NLRC4: variants seen among roughly 807,000 people sequenced by gnomAD.
The protein encoded by NLRC4 is NLR family CARD domain-containing protein 4.
NLRC4 carries 63 observed loss-of-function variants against 79.9 expected under a neutral mutation model. That is an observed-to-expected ratio of 0.79 (90% CI 0.64 to 0.97). NLRC4 has a LOEUF of 0.97. Ranked by LOEUF, NLRC4 falls within the 50% of genes least tolerant of loss-of-function variation. The pLI is 0.00. For missense variants in NLRC4, 1,074 were observed against 1,215.2 expected, an observed-to-expected ratio of 0.88 and a Z score of 1.73; for synonymous variants, 461 against 456.5, an observed-to-expected ratio of 1.01 and a Z score of -0.12.
At chr2:32,248,251 C>T (rs538662587) in intron 4 of NLRC4, among the ~76,000 whole-genome samples, 7 of 152,054 alleles carry the variant, frequency 4.6e-5, no homozygotes, top group Non-Finnish European at 8.8e-5. Context: ...AAATCCTAAG[C>T]CCCCCACCAA....
Position 32,252,520 on chromosome 2 carries a change from A to G in NLRC4, c.161T>C (p.Ile54Thr). The G allele has an allele frequency of 1.2e-6, 2 of 1,614,134 alleles. No homozygotes were observed. The highest frequency in any genetic ancestry group is 1.7e-6 in the Non-Finnish European group (2 of 1,179,952). ...ACCCTTTTTCAAAATCATGTGAATG[A>G]TCCCTCTAGCAGCATCCTGCTCCAC... ...EKVEQDAARG[I>T]IHMILKKGSE... The change falls in exon 3 of 9, where the codon ATC (isoleucine) becomes ACC (threonine). Residue 54 changes from isoleucine to threonine, a missense_variant. Ile to Thr is a moderately conservative substitution (Grantham distance 89). Transcript: ENST00000402280.
chr2:32,233,383 C>G (rs181247703), intron 8 of NLRC4, among the ~76,000 whole-genome samples: 1 of 118,046 alleles, frequency 8.5e-6, no homozygotes, highest in Non-Finnish European at 1.7e-5. Flanking sequence ...GTAGAGACGA[C>G]ATGTTACCAT....
intron 5 of NLRC4, 96 bp downstream of exon 5, chr2:32,240,937 C>A: frequency 1.4e-6 from 1 of 739,922 alleles, no homozygotes; most frequent in Non-Finnish European, 2.3e-6. Flanking sequence ...TAAAAACATC[C>A]TTGCCTTGTG....
intron 1 of NLRC4, among the ~76,000 whole-genome samples, chr2:32,259,951 G>C (rs1047373676): frequency 6.6e-6 from 1 of 152,056 alleles, no homozygotes; most frequent in African/African-American, 2.4e-5. Flanking sequence ...TGTATTGGCC[G>C]GGCACGGTGG....
At chr2:32,233,731 C>G (rs888673889) in intron 8 of NLRC4, among the ~76,000 whole-genome samples, 3 of 151,994 alleles carry the variant, frequency 2.0e-5, no homozygotes, top group African/African-American at 2.4e-5. Context: ...GAGAATAATC[C>G]ATGTGCTGAG....
chr2:32,254,777 C>A (rs1687166367), intron 2 of NLRC4, among the ~76,000 whole-genome samples: 2 of 151,790 alleles, frequency 1.3e-5, no homozygotes, highest in South Asian at 4.1e-4. Context: ...CGCCACCACA[C>A]CCAGCTAATT....
chr2:32,247,571 T>C (rs212733), intron 4 of NLRC4, among the ~76,000 whole-genome samples: 95,647 of 151,108 alleles, frequency 0.63, 30,512 homozygotes, highest in African/African-American at 0.68. Context: ...GCCTCAGCCT[T>C]CCAATATATT....
chr2:32,236,429 C>T, intron 6 of NLRC4, 90 bp from the exon 7 acceptor site: 1 of 746,232 alleles, frequency 1.3e-6, no homozygotes, highest in Non-Finnish European at 2.2e-6. Flanking sequence ...TGAGTTTTAT[C>T]TTCTCTGCTA....
rs58301612 is a variant in NLRC4 at position 32,245,310 on chromosome 2, CAAAAAAAAAAAA to C, written c.2258-4197_2258-4186del. 3.5e-4 allele frequency among the ~76,000 whole-genome samples: 27 copies of C among 77,946 alleles called. No homozygotes were observed. In the South Asian group the frequency reaches 0.013, roughly 37 times the overall value. 51.1% of individuals were successfully genotyped at this position (77,946 alleles called of 152,430 possible). A position where few individuals can be genotyped will look rare whatever the true frequency, so the allele number is the denominator to read the frequency against. On this transcript the variant is annotated intron_variant, in intron 4 of 8. Coordinates refer to ENST00000402280, the MANE Select transcript of NLRC4 (RefSeq NM_001199138.2). Reference sequence around the variant, plus strand: ...TGGGCGACAGAGTGAGACTCCTTCTCAAAAAAAAAAAAAAAAAAAAAAACAGATGAATAGAGG... The same window carrying C: ...TGGGCGACAGAGTGAGACTCCTTCTCAAAAAAAAAAACAGATGAATAGAGG...
chr2:32,253,415 T>G (rs1415186887), intron 2 of NLRC4, among the ~76,000 whole-genome samples: 1 of 151,966 alleles, frequency 6.6e-6, no homozygotes, highest in Non-Finnish European at 1.5e-5. Context: ...CCCAAAGTGC[T>G]GGGATTACAG....
At position 32,250,257 on chromosome 2, in the gene NLRC4, C is replaced by G. The variant is rs1305029087; in HGVS notation, c.1607G>C (p.Ser536Thr). 1.2e-6 allele frequency: 2 copies of G among 1,614,154 alleles called. No homozygotes were observed. The highest frequency in any genetic ancestry group is 2.2e-5 in the South Asian group (2 of 91,082). The change falls in exon 4 of 9, where the codon AGT becomes ACT. Residue 536 changes from serine (S) to threonine (T), a missense_variant. Ser to Thr is a moderately conservative substitution (Grantham distance 58). Coordinates refer to ENST00000402280, the MANE Select transcript of NLRC4 (RefSeq NM_001199138.2). This position sits in a 1 kb window ranked among gnomAD's most constrained non-coding sequence, Gnocchi z 4.9. ...RPLWRQESLQ[S>T]VKNTTEQEIL... is the part of the protein sequence containing the mutation. ...TTCTTGCTCAGTGGTGTTTTTCACA[C>G]TTTGCAAAGATTCCTGTCTCCAGAG...
In NLRC4 at chr2:32,250,715, T is replaced by G; in HGVS notation, c.1149A>C (p.Ala383=). Residue 383 remains alanine (A), a synonymous_variant, in exon 4 of 9, where the codon GCA becomes GCC. Transcript: ENST00000402280. This position sits in a 1 kb window ranked among gnomAD's most constrained non-coding sequence, Gnocchi z 4.9. ...KNKHKHKGVA[A]SDFIRSLDHC... ...GGTCCAGGCTCCGAATGAAGTCACT[T>G]GCAGCCACACCTTTATGTTTGTGTT... The G allele has an allele frequency of 6.2e-7, 1 of 1,614,216 alleles. No individual in the cohort carries two copies. Among genetic ancestry groups the G allele is most frequent in the Non-Finnish European group, 8.5e-7 (1 of 1,180,022 alleles).
rs1332745531 is a variant in NLRC4, at chr2:32,252,375, C to T, written c.262+44G>A. ...GGGGAAGATGGATCTTTGTTGTGGT[C>T]TATTCTACTTGCAGAAACAGATGCA... On this transcript the variant is annotated intron_variant, in intron 3 of 8. Transcript: ENST00000402280. 8.9e-6 allele frequency: 13 copies of T among 1,457,138 alleles called. No homozygotes were observed. In the Admixed American group the frequency reaches 1.9e-4, roughly 21 times the overall value. The allele number at this position is 1,457,138 out of a possible 1,614,324, so 90.3% of individuals were successfully genotyped here.
chr2:32,224,610 C>G lies in NLRC4; in HGVS notation c.2938G>C (p.Asp980His), dbSNP rs1472895111. ...FDFSTKEFLP[D>H]PALVRKLSQV... ...CTAAGTTTTCTGACTAATGCTGGAT[C>G]AGGTAGAAATTCTTTAGTACTAAAG... Residue 980 changes from aspartate to histidine, a missense_variant, in exon 9 of 9, where the codon GAT becomes CAT. Physicochemically the swap from Asp to His is moderately conservative, Grantham distance 81. Coordinates refer to ENST00000402280, the MANE Select transcript of NLRC4 (RefSeq NM_001199138.2). 5 of 1,613,754 alleles carry G rather than the reference C, an allele frequency of 3.1e-6. No homozygotes were observed. The highest frequency in any genetic ancestry group is 1.1e-5 in the South Asian group (1 of 91,066).
chr2:32,246,541 T>G (rs1163552518), intron 4 of NLRC4, among the ~76,000 whole-genome samples: 2 of 152,218 alleles, frequency 1.3e-5, no homozygotes, highest in East Asian at 3.9e-4. Flanking sequence ...CCCAGACTGC[T>G]ACAGTTAAGT....
intron 4 of NLRC4, among the ~76,000 whole-genome samples, chr2:32,243,706 G>A (rs1168836153): frequency 6.6e-6 from 1 of 150,824 alleles, no homozygotes; most frequent in Non-Finnish European, 1.5e-5. Flanking sequence ...GCTGAGGCAG[G>A]AGAATTGCTT....
chr2:32,243,474 T>C (rs1686853377), intron 4 of NLRC4, among the ~76,000 whole-genome samples: 1 of 151,248 alleles, frequency 6.6e-6, no homozygotes, highest in Admixed American at 6.6e-5. Flanking sequence ...TCAAAAATCT[T>C]CAACAAAATA....
In NLRC4 at chr2:32,259,287, T is replaced by TTTTTTTTTTTTTTTTTTC. The variant is rs1283926253; in HGVS notation, c.-118-2395_-118-2394insGAAAAAAAAAAAAAAAAA. Among the ~76,000 whole-genome samples the TTTTTTTTTTTTTTTTTTC allele has an allele frequency of 6.6e-5, 9 of 135,498 alleles. 1 individual carries two copies. The highest frequency in any genetic ancestry group is 2.6e-4 in the African/African-American group (9 of 35,042). 88.9% of individuals were successfully genotyped at this position (135,498 alleles called of 152,430 possible). A position where few individuals can be genotyped will look rare whatever the true frequency, so the allele number is the denominator to read the frequency against. ...ATTTTTTTTTTTTTTTTTTTTTTTT[T>TTTTTTTTTTTTTTTTTTC]TTTAGAGACAGAGTTTTGCCGTGTT... On this transcript the variant is annotated intron_variant, in intron 1 of 8. Coordinates refer to ENST00000402280, the MANE Select transcript of NLRC4 (RefSeq NM_001199138.2).
At chr2:32,235,603 G>A (rs759974235) in intron 7 of NLRC4, 35 bp from the exon 8 acceptor site, 2 of 1,589,814 alleles carry the variant, frequency 1.3e-6, no homozygotes, top group Non-Finnish European at 1.7e-6. Context: ...GGGACTGGAT[G>A]GTCTCAAAAC....
Sources: gnomAD v4.1 joint callset for allele counts (sites outside exome capture counted in the v4.1 genomes callset) on GRCh38, gnomAD v4.1.1 for gene constraint, Gnocchi (gnomAD v3.1) non-coding constraint, MANE v1.5 for transcripts, NCBI Gene and HGNC (gene_info 2026-07-23, HGNC 2026-07-21) for gene names.